The following GBGT1 variants were observed in gnomAD, a reference collection of about 807,000 sequenced individuals.
GBGT1 encodes globoside alpha-1,3-N-acetylgalactosaminyltransferase 1.
Under a neutral mutation model 20.9 loss-of-function variants are expected in GBGT1, and 18 were observed. That is an observed-to-expected ratio of 0.86 (90% CI 0.60 to 1.28). The LOEUF (loss-of-function observed/expected upper bound fraction) is 1.28. Ranked by LOEUF, GBGT1 falls within the 50% of genes most tolerant of loss-of-function variation. GBGT1 has a pLI of 0.00. For missense variants in GBGT1, 432 were observed against 455.7 expected (o/e 0.95, Z 0.47); for synonymous variants, 168 against 180.8 (o/e 0.93, Z 0.57).
intron 3 of GBGT1, among the ~76,000 whole-genome samples, chr9:133,159,645 T>G (rs1205740083): frequency 6.6e-6 from 1 of 151,558 alleles, no homozygotes; most frequent in Non-Finnish European, 1.5e-5. Flanking sequence ...TAAAAAAAAA[T>G]TAGCTAGGAG....
intron 6 of GBGT1, 114 bp downstream of exon 6, chr9:133,155,064 A>G (rs1299239269): frequency 2.2e-6 from 2 of 916,002 alleles, no homozygotes; most frequent in East Asian, 4.9e-5. Context: ...CCTGGTTCCG[A>G]GCCTCCCGGG....
chr9:133,156,506 A>G (rs558488955), intron 3 of GBGT1, among the ~76,000 whole-genome samples: 1 of 152,158 alleles, frequency 6.6e-6, no homozygotes, highest in South Asian at 2.1e-4. Flanking sequence ...CTAAAAATAC[A>G]AAAATTAGCT....
chr9:133,163,043 G>C (rs1240903535), intron 1 of GBGT1: 1 of 153,380 alleles, frequency 6.5e-6, no homozygotes, highest in East Asian at 1.9e-4. Flanking sequence ...CTTCGCAGAG[G>C]CCGCGAAGGC....
intron 3 of GBGT1, among the ~76,000 whole-genome samples, chr9:133,157,981 C>T (rs910256381): frequency 4.6e-5 from 7 of 152,126 alleles, no homozygotes; most frequent in African/African-American, 1.2e-4. Context: ...CCCATTTCTA[C>T]TAAAAATACA....
At position 133,153,419 on chromosome 9, in the gene GBGT1, A is replaced by G. The variant is rs1832765551; in HGVS notation, c.*158T>C. ...TGAGATCCTGTGTGCTACTGTGTGC[A>G]CAGCCCTCTGCAGTTCACAGTGGCC... On this transcript the variant is annotated 3_prime_UTR_variant, in exon 7 of 7. Transcript: ENST00000372040. 5.6e-6 allele frequency: 3 copies of G among 538,650 alleles called. No homozygotes were observed. Among genetic ancestry groups the G allele is most frequent in the South Asian group, 3.0e-5 (1 of 32,994 alleles). The allele number at this position is 538,650 out of a possible 1,614,324, so 33.4% of individuals were successfully genotyped here. A position where few individuals can be genotyped will look rare whatever the true frequency, so the allele number is the denominator to read the frequency against.
chr9:133,155,894 C>T lies in GBGT1; in HGVS notation c.224+7G>A, dbSNP rs1290307869. On this transcript the variant is annotated splice_region_variant and intron_variant, in intron 5 of 6. Transcript: ENST00000372040. Reference sequence around the variant, plus strand: ...CCGCCCCCATCAGGCCTCTCCATGACACCTACCTGTGCTCCAGCAGCTTGG... The same window carrying T: ...CCGCCCCCATCAGGCCTCTCCATGATACCTACCTGTGCTCCAGCAGCTTGG... The T allele has an allele frequency of 3.1e-6, 5 of 1,614,104 alleles. No homozygotes were observed. The highest frequency in any genetic ancestry group is 4.2e-6 in the Non-Finnish European group (5 of 1,179,940).
In GBGT1 at chr9:133,162,323, C is replaced by A; in HGVS notation, c.71+19G>T. The A allele has an allele frequency of 6.3e-7, 1 of 1,593,790 alleles. No individual in the cohort carries two copies. Among genetic ancestry groups the A allele is most frequent in the Non-Finnish European group, 8.6e-7 (1 of 1,167,772 alleles). On this transcript the variant is annotated intron_variant, in intron 2 of 6. Coordinates refer to ENST00000372040, the MANE Select transcript of GBGT1 (RefSeq NM_021996.6). ...TGGGTGGGGATAGAGACAGGGGGAG[C>A]TCCGTGGGGCAGACTCACCACAGGA...
rs148259540 is a variant in GBGT1 at position 133,153,906 on chromosome 9, A to G, written c.715T>C (p.Phe239Leu). The change falls in exon 7 of 7, where the codon TTC (phenylalanine) becomes CTC (leucine). Residue 239 changes from phenylalanine to leucine, a missense_variant. Phe to Leu is a conservative substitution (Grantham distance 22). Coordinates refer to ENST00000372040, the MANE Select transcript of GBGT1 (RefSeq NM_021996.6). ...PSYYAVPRQQ[F>L]PYERRRVSTA... ...GAAACACGCCTGCGCTCATAGGGGA[A>G]CTGCTGGCGGGGAACGGCGTAGTAG... 2.8e-4 allele frequency: 449 copies of G among 1,604,918 alleles called. 1 individual carries two copies. The highest frequency in any genetic ancestry group is 3.6e-4 in the Non-Finnish European group (425 of 1,172,696).
chr9:133,163,316 G>T (rs999890344), intron 1 of GBGT1: 6 of 152,234 alleles, frequency 3.9e-5, no homozygotes, highest in African/African-American at 1.4e-4. Flanking sequence ...GCCTCAACTC[G>T]CTGGCTCGTT....
Position 133,155,828 on chromosome 9 carries a change from C to G in GBGT1, c.224+73G>C, listed in dbSNP as rs975997466. 1.1e-5 allele frequency: 17 copies of G among 1,523,844 alleles called. No homozygotes were observed. The African/African-American group carries it at 2.1e-4, about 18-fold the overall frequency. 94.4% of individuals were successfully genotyped at this position (1,523,844 alleles called of 1,614,324 possible). A position where few individuals can be genotyped will look rare whatever the true frequency, so the allele number is the denominator to read the frequency against. ...GGCCACCCTGATGTTAGCACCTCCA[C>G]TACCCCACCTTATAAATCAGAGCTC... On this transcript the variant is annotated intron_variant, in intron 5 of 6. Coordinates refer to ENST00000372040, the MANE Select transcript of GBGT1 (RefSeq NM_021996.6).
Position 133,162,489 on chromosome 9 carries a change from G to A in GBGT1, c.-77C>T. On this transcript the variant is annotated 5_prime_UTR_variant, in exon 2 of 7. Transcript: ENST00000372040. The stretch of plus-strand genomic sequence containing the variant: ...GGGCGGATGAGGCTGTCCCCTCGCA[G>A]GGATGTCAGGCTCTGAGCCTGGTCT... 1 of 1,208,068 alleles carries A rather than the reference G, an allele frequency of 8.3e-7. No individual in the cohort carries two copies. The highest frequency in any genetic ancestry group is 1.2e-6 in the Non-Finnish European group (1 of 832,150). The allele number at this position is 1,208,068 out of a possible 1,614,324, so 74.8% of individuals were successfully genotyped here.
chr9:133,156,427 G>A (rs34907858), intron 3 of GBGT1, among the ~76,000 whole-genome samples: 3 of 151,896 alleles, frequency 2.0e-5, no homozygotes, highest in Non-Finnish European at 4.4e-5. Flanking sequence ...TTTGGGAGGC[G>A]GAGGCGGGTG....
intron 2 of GBGT1, 147 bp from the exon 3 acceptor site, chr9:133,161,679 TTGGAGG>T: frequency 1.7e-6 from 1 of 597,488 alleles, no homozygotes; most frequent in Non-Finnish European, 3.0e-6. Flanking sequence ...CTGGCTGACC[TTGGAGG>T]ACAAAGCCTG....
intron 2 of GBGT1, among the ~76,000 whole-genome samples, chr9:133,161,758 T>C (rs1833051755): frequency 6.6e-6 from 1 of 152,140 alleles, no homozygotes; most frequent in Non-Finnish European, 1.5e-5. Context: ...CATAGAGTCA[T>C]TCATTCCTAG....
intron 2 of GBGT1, among the ~76,000 whole-genome samples, 198 bp downstream of exon 2, chr9:133,162,144 G>A (rs1278401326): frequency 1.4e-5 from 2 of 144,494 alleles, no homozygotes; most frequent in Non-Finnish European, 3.0e-5. Flanking sequence ...TGGGGATAGA[G>A]ACAGGGGAAG....
chr9:133,160,067 G>A (rs1254906744), intron 3 of GBGT1: 7 of 202,982 alleles, frequency 3.4e-5, no homozygotes, highest in South Asian at 2.2e-4. Flanking sequence ...ATGAGGGGGC[G>A]AAGCCTGGCC....
chr9:133,155,868 C>T (rs747444889), intron 5 of GBGT1, 33 bp downstream of exon 5: 9 of 1,612,024 alleles, frequency 5.6e-6, no homozygotes, highest in African/African-American at 4.0e-5. Context: ...GTCCTTTTCC[C>T]CCGCCCCCAT....
chr9:133,153,550 C>T lies in GBGT1; in HGVS notation c.*27G>A. 6.7e-7 allele frequency: 1 copy of T among 1,493,726 alleles called. No homozygotes were observed. The highest frequency in any genetic ancestry group is 9.0e-7 in the Non-Finnish European group (1 of 1,111,818). 92.5% of individuals were successfully genotyped at this position (1,493,726 alleles called of 1,614,324 possible). ...TGGTGGCTGCAGGTCTTTGGGTCCC[C>T]ATCCATGGCAACCCCCAGCTCCGTG... On this transcript the variant is annotated 3_prime_UTR_variant, in exon 7 of 7. Transcript: ENST00000372040.
chr9:133,153,316 G>T lies in GBGT1; in HGVS notation c.*261C>A, dbSNP rs1449089024. 2.8e-6 allele frequency: 1 copy of T among 354,284 alleles called. No homozygotes were observed. Among genetic ancestry groups the T allele is most frequent in the Non-Finnish European group, 5.1e-6 (1 of 197,248 alleles). 21.9% of individuals were successfully genotyped at this position (354,284 alleles called of 1,614,324 possible). On this transcript the variant is annotated 3_prime_UTR_variant, in exon 7 of 7. Transcript: ENST00000372040. ...CCCCGCAAAGGCACGGCTGCAGAACGTGGCAAGCCTGCCGGGCCCTGCCTT... is the reference window on the plus strand; with the variant it reads ...CCCCGCAAAGGCACGGCTGCAGAACTTGGCAAGCCTGCCGGGCCCTGCCTT...
Sources: gnomAD v4.1 joint callset for allele counts (sites outside exome capture counted in the v4.1 genomes callset) on GRCh38, gnomAD v4.1.1 for gene constraint, MANE v1.5 for transcripts, NCBI Gene and HGNC (gene_info 2026-07-23, HGNC 2026-07-21) for gene names.